The following GPC5 variants were observed in gnomAD, a reference collection of about 807,000 sequenced individuals.
The protein encoded by GPC5 is glypican 5.
Under a neutral mutation model 53.9 loss-of-function variants are expected in GPC5, and 47 were observed. The observed-to-expected ratio is 0.87, with a 90% CI of 0.69 to 1.11. The LOEUF is 1.11. Ranked by LOEUF, GPC5 falls within the 50% of genes most tolerant of loss-of-function variation. GPC5 has a pLI of 0.00. For synonymous variants in GPC5, 286 were observed against 263.3 expected (o/e 1.09, Z -0.84); for missense variants, 748 against 713.1 (o/e 1.05, Z -0.56).
At chr13:91,670,910 C>T (rs2035229785) in intron 2 of GPC5, among the ~76,000 whole-genome samples, 1 of 152,172 alleles carries the variant, frequency 6.6e-6, no homozygotes, top group Non-Finnish European at 1.5e-5. Context: ...TACATACTTC[C>T]TTTATTCTCC....
chr13:92,189,199 A>G (rs1298120812), intron 7 of GPC5, among the ~76,000 whole-genome samples: 5 of 152,220 alleles, frequency 3.3e-5, no homozygotes, highest in African/African-American at 1.2e-4. Flanking sequence ...AAAAGGAACC[A>G]TTTAAAAATA....
Position 91,497,483 on chromosome 13 carries a change from T to C in GPC5, c.325+48561T>C, listed in dbSNP as rs1884340116. On this transcript the variant is annotated intron_variant, in intron 2 of 7. Coordinates refer to ENST00000377067, the MANE Select transcript of GPC5 (RefSeq NM_004466.6). Reference sequence around the variant, plus strand: ...AATTTTTTAGTTGTTAGAAATGTCTTATCTCTTCTTCATGCCTCCCAAGTC... The same window carrying C: ...AATTTTTTAGTTGTTAGAAATGTCTCATCTCTTCTTCATGCCTCCCAAGTC... Among the ~76,000 whole-genome samples the C allele has an allele frequency of 2.0e-5, 3 of 152,252 alleles. 1 individual carries two copies. Among genetic ancestry groups the C allele is most frequent in the Non-Finnish European group, 4.4e-5 (3 of 68,048 alleles).
intron 6 of GPC5, among the ~76,000 whole-genome samples, chr13:92,003,132 A>G (rs989284249): frequency 2.0e-5 from 3 of 151,900 alleles, no homozygotes; most frequent in Admixed American, 1.3e-4. Flanking sequence ...CCAACATGAC[A>G]AAACCCCGTC....
chr13:92,026,490 G>C lies in GPC5; in HGVS notation c.1402-118340G>C, dbSNP rs181922169. 2.2e-3 allele frequency among the ~76,000 whole-genome samples: 332 copies of C among 150,432 alleles called. 4 individuals carry two copies. The highest frequency in any genetic ancestry group is 0.019 in the South Asian group (93 of 4,794). ...TGTACTGAGCTAAGCAGCAGGCCAAGAAGATATTTAATTGAATCATTAATC... is the reference window on the plus strand; with the variant it reads ...TGTACTGAGCTAAGCAGCAGGCCAACAAGATATTTAATTGAATCATTAATC... On this transcript the variant is annotated intron_variant, in intron 6 of 7. Coordinates refer to ENST00000377067, the MANE Select transcript of GPC5 (RefSeq NM_004466.6).
intron 1 of GPC5, among the ~76,000 whole-genome samples, chr13:91,446,402 C>T (rs1286331843): frequency 2.0e-5 from 3 of 152,116 alleles, no homozygotes; most frequent in Non-Finnish European, 4.4e-5. Flanking sequence ...TGTTTTAGTA[C>T]TCTGTTTCTT....
At position 92,547,002 on chromosome 13, in the gene GPC5, T is replaced by C. The variant is rs184189774; in HGVS notation, c.1562-319280T>C. On this transcript the variant is annotated intron_variant, in intron 7 of 7. Coordinates refer to ENST00000377067, the MANE Select transcript of GPC5 (RefSeq NM_004466.6). ...GAAACTGGATCCCTTCCTTACACCT[T>C]ATACAAAAATTAATTCTAGATGGAT... 5.5e-3 allele frequency among the ~76,000 whole-genome samples: 839 copies of C among 152,286 alleles called. 3 individuals are homozygous for C. Among genetic ancestry groups the C allele is most frequent in the South Asian group, 0.011 (51 of 4,826 alleles).
At chr13:91,757,909 A>G (rs1203026614) in intron 5 of GPC5, among the ~76,000 whole-genome samples, 1 of 152,184 alleles carries the variant, frequency 6.6e-6, no homozygotes, top group Non-Finnish European at 1.5e-5. Flanking sequence ...CAATTTTAAT[A>G]GAAATTTATA....
chr13:92,433,303 T>C (rs1443085050), intron 7 of GPC5, among the ~76,000 whole-genome samples: 3 of 152,082 alleles, frequency 2.0e-5, no homozygotes, highest in African/African-American at 7.2e-5. Flanking sequence ...GCTATGGGGA[T>C]GAGTTTGGTA....
Position 91,415,095 on chromosome 13 carries a change from G to A in GPC5, c.163+15886G>A, listed in dbSNP as rs563134307. On this transcript the variant is annotated intron_variant, in intron 1 of 7. Coordinates refer to ENST00000377067, the MANE Select transcript of GPC5 (RefSeq NM_004466.6). ...TGTTGCTGGAGATAACCCACCATGG[G>A]CCTTGAGCATCCCTGTGTGTTTTGA... 2.8e-4 allele frequency among the ~76,000 whole-genome samples: 42 copies of A among 152,224 alleles called. 1 individual carries two copies. In the South Asian group the frequency reaches 5.8e-3, roughly 21 times the overall value.
intron 6 of GPC5, among the ~76,000 whole-genome samples, chr13:91,990,439 C>T (rs776347222): frequency 2.0e-5 from 3 of 151,854 alleles, no homozygotes; most frequent in Non-Finnish European, 2.9e-5. Context: ...AAAATTGCAG[C>T]GTGGTGCCTG....
intron 5 of GPC5, among the ~76,000 whole-genome samples, chr13:91,886,218 A>G (rs1467139433): frequency 5.9e-5 from 9 of 152,160 alleles, no homozygotes; most frequent in African/African-American, 1.9e-4. Context: ...CAAGAGAGAC[A>G]GCATGTGCAG....
rs183387975 is a variant in GPC5 at position 92,597,224 on chromosome 13, A to G, written c.1562-269058A>G. The stretch of plus-strand genomic sequence containing the variant: ...TTGCAAAAGCATATCTCAACCATCC[A>G]CATCCTCATCTTCTGGAGTTCAGTA... On this transcript the variant is annotated intron_variant, in intron 7 of 7. Coordinates refer to ENST00000377067, the MANE Select transcript of GPC5 (RefSeq NM_004466.6). Among the ~76,000 whole-genome samples, 82 of 151,002 alleles carry G rather than the reference A, an allele frequency of 5.4e-4. No individual in the cohort carries two copies. In the East Asian group the frequency reaches 0.013, roughly 24 times the overall value.
chr13:92,524,841 C>A (rs1000518175), intron 7 of GPC5, among the ~76,000 whole-genome samples: 1 of 152,082 alleles, frequency 6.6e-6, no homozygotes, highest in Non-Finnish European at 1.5e-5. Flanking sequence ...AAGCTAAATA[C>A]AAGGTCCAGA....
At chr13:92,422,327 A>G (rs1364782854) in intron 7 of GPC5, among the ~76,000 whole-genome samples, 1 of 152,132 alleles carries the variant, frequency 6.6e-6, no homozygotes, top group Non-Finnish European at 1.5e-5. Flanking sequence ...CTTTAGGCAG[A>G]TGTTTTCCGA....
intron 2 of GPC5, among the ~76,000 whole-genome samples, chr13:91,500,269 G>C (rs551067265): frequency 6.6e-6 from 1 of 152,326 alleles, no homozygotes; most frequent in East Asian, 1.9e-4. Context: ...TTGGCATGTA[G>C]CATTTAGTCA....
At chr13:92,664,094 A>G (rs1886488480) in intron 7 of GPC5, among the ~76,000 whole-genome samples, 1 of 151,598 alleles carries the variant, frequency 6.6e-6, no homozygotes, top group Non-Finnish European at 1.5e-5. Flanking sequence ...ATGGCAAACA[A>G]TATGGAGAAC....
chr13:91,497,878 TG>T (rs1156780059), intron 2 of GPC5, among the ~76,000 whole-genome samples: 3 of 152,162 alleles, frequency 2.0e-5, no homozygotes, highest in Non-Finnish European at 2.9e-5. Context: ...GCATGCAAGG[TG>T]TGATAATCAT....
chr13:91,535,606 T>G (rs1278182703), intron 2 of GPC5, among the ~76,000 whole-genome samples: 2 of 152,178 alleles, frequency 1.3e-5, no homozygotes, highest in Non-Finnish European at 2.9e-5. Flanking sequence ...ATAGGAATTA[T>G]CAGGATATGG....
intron 6 of GPC5, among the ~76,000 whole-genome samples, chr13:92,119,600 T>A (rs2041631719): frequency 7.1e-6 from 1 of 141,796 alleles, no homozygotes; most frequent in East Asian, 2.0e-4. Flanking sequence ...TTTTGTATTT[T>A]TAGTAGAGAC....
Sources: allele counts gnomAD v4.1 joint callset (sites outside exome capture counted in the v4.1 genomes callset), GRCh38; gene constraint gnomAD v4.1.1; transcripts MANE v1.5; gene names NCBI Gene and HGNC (gene_info 2026-07-23, HGNC 2026-07-21).